Variants in PRKD1 observed in about 807,000 individuals in gnomAD.
The protein encoded by PRKD1 is protein kinase D1.
PRKD1 carries 63 observed loss-of-function variants against 95.9 expected under a neutral mutation model. The ratio of observed to expected loss-of-function variants is 0.66; its 90% CI spans 0.54 to 0.81. The LOEUF (loss-of-function observed/expected upper bound fraction) is 0.81, where lower values mean the gene tolerates loss of function less well. PRKD1 is among the 30% of genes least tolerant of loss of function. The pLI, the probability that PRKD1 is intolerant of heterozygous loss-of-function variation, is 0.00. For missense variants in PRKD1, 1,048 were observed against 1,165.3 expected, an observed-to-expected ratio of 0.90 and a Z score of 1.47; for synonymous variants, 425 against 423.1, an observed-to-expected ratio of 1.00 and a Z score of -0.05.
intron 1 of PRKD1, among the ~76,000 whole-genome samples, chr14:29,790,962 G>C (rs1889518226): frequency 6.6e-6 from 1 of 152,138 alleles, no homozygotes; most frequent in African/African-American, 2.4e-5. Context: ...CAGTCTAGGT[G>C]ACCTCAGTGA....
intron 13 of PRKD1, among the ~76,000 whole-genome samples, chr14:29,604,290 T>C (rs1161321631): frequency 6.6e-6 from 1 of 152,172 alleles, no homozygotes; most frequent in Non-Finnish European, 1.5e-5. Flanking sequence ...AGTTTCCACC[T>C]TCTACCTTTA....
At chr14:29,655,672 A>T (rs1881792269) in intron 4 of PRKD1, among the ~76,000 whole-genome samples, 1 of 152,194 alleles carries the variant, frequency 6.6e-6, no homozygotes, top group African/African-American at 2.4e-5. Flanking sequence ...TTCATTGCTT[A>T]AAATAGAAAA....
rs138343180 is a variant in PRKD1, at chr14:29,838,910, A to G, written c.264+88339T>C. Among the ~76,000 whole-genome samples, 450 of 152,314 alleles carry G rather than the reference A, an allele frequency of 3.0e-3. 4 individuals carry two copies. The highest frequency in any genetic ancestry group is 4.8e-3 in the Non-Finnish European group (325 of 68,026). ...AATTCTGTAAAACTGAAGCAAAAAC[A>G]AACATCAAATTTATGGTAAAAACTG... On this transcript the variant is annotated intron_variant, in intron 1 of 17. Transcript: ENST00000331968.
At chr14:29,922,834 A>G (rs1279254549) in intron 1 of PRKD1, among the ~76,000 whole-genome samples, 1 of 152,214 alleles carries the variant, frequency 6.6e-6, no homozygotes, top group Non-Finnish European at 1.5e-5. Context: ...GCAGTGAGCT[A>G]TGATTATGTA....
chr14:29,916,799 T>A (rs545118057), intron 1 of PRKD1, among the ~76,000 whole-genome samples: 1 of 152,220 alleles, frequency 6.6e-6, no homozygotes, highest in Non-Finnish European at 1.5e-5. Context: ...TAGTATCAAG[T>A]CTCACCCTAA....
chr14:29,641,152 T>G (rs143676853), intron 4 of PRKD1, among the ~76,000 whole-genome samples: 2 of 152,332 alleles, frequency 1.3e-5, no homozygotes, highest in African/African-American at 4.8e-5. Flanking sequence ...ACACACATTT[T>G]CAGGCAATAA....
At chr14:29,668,754 T>A (rs1306310280) in intron 2 of PRKD1, among the ~76,000 whole-genome samples, 3 of 152,190 alleles carry the variant, frequency 2.0e-5, no homozygotes, top group Non-Finnish European at 4.4e-5. Flanking sequence ...AGTACTTTTT[T>A]AAAAAACTGG....
intron 13 of PRKD1, among the ~76,000 whole-genome samples, chr14:29,603,699 TTAA>T (rs1407639741): frequency 6.6e-6 from 1 of 152,156 alleles, no homozygotes; most frequent in Non-Finnish European, 1.5e-5. Context: ...AACAGAATTA[TTAA>T]TAATTTTAAA....
At chr14:29,597,306 A>G (rs565246004) in intron 16 of PRKD1, among the ~76,000 whole-genome samples, 185 bp downstream of exon 16, 43 of 152,330 alleles carry the variant, frequency 2.8e-4, no homozygotes, top group East Asian at 1.9e-4. Flanking sequence ...CTTAATATAT[A>G]TAACCCAATT....
chr14:29,637,632 T>C (rs765438899), intron 6 of PRKD1, among the ~76,000 whole-genome samples: 20 of 152,216 alleles, frequency 1.3e-4, no homozygotes, highest in Non-Finnish European at 2.4e-4. Context: ...CGCCAAGCTT[T>C]CAATTTTGGC....
intron 1 of PRKD1, among the ~76,000 whole-genome samples, chr14:29,851,578 A>G (rs1262362241): frequency 1.3e-5 from 2 of 152,164 alleles, no homozygotes; most frequent in Admixed American, 6.5e-5. Flanking sequence ...GAAGTCCAAA[A>G]ATAACAGATG....
chr14:29,734,089 C>G (rs955706495), intron 1 of PRKD1, among the ~76,000 whole-genome samples: 1 of 116,592 alleles, frequency 8.6e-6, no homozygotes, highest in Non-Finnish European at 1.6e-5. Flanking sequence ...GTCACTCAGG[C>G]TGGAGTGCAA....
chr14:29,741,500 G>T (rs925401739), intron 1 of PRKD1, among the ~76,000 whole-genome samples: 1 of 152,036 alleles, frequency 6.6e-6, no homozygotes, highest in Non-Finnish European at 1.5e-5. Context: ...ATTACTATTG[G>T]CCCAGACTCA....
chr14:29,923,506 A>G (rs1002280384), intron 1 of PRKD1, among the ~76,000 whole-genome samples: 8 of 152,156 alleles, frequency 5.3e-5, no homozygotes, highest in African/African-American at 1.9e-4. Flanking sequence ...AACTATTAAG[A>G]AAACAATGTA....
In PRKD1 at chr14:29,597,643, T is replaced by C. The variant is rs1256683097; in HGVS notation, c.2282A>G (p.Asn761Ser). 10 of 1,613,920 alleles carry C rather than the reference T, an allele frequency of 6.2e-6. No homozygotes were observed. Among genetic ancestry groups the C allele is most frequent in the Admixed American group, 3.3e-5 (2 of 59,968 alleles). Residue 761 changes from asparagine to serine, a missense_variant, in exon 16 of 18, where the codon AAT becomes AGT. Asn to Ser is a conservative substitution (Grantham distance 46, BLOSUM62 1). Transcript: ENST00000331968. ...APEVLRNKGYNRSLDMWSVGV... is the reference protein window; with the variant it reads ...APEVLRNKGYSRSLDMWSVGV... ...AACAGACCACATGTCTAGAGAGCGA[T>C]TGTAGCCCTTGTTCCTTAGGACCTC...
At position 29,597,699 on chromosome 14, in the gene PRKD1, T is replaced by C. The variant is rs781293761; in HGVS notation, c.2226A>G (p.Ser742=). The C allele has an allele frequency of 1.2e-6, 2 of 1,613,934 alleles. No individual in the cohort carries two copies. ...CCAGGTAAGCGGGGGTACCCACCAC[T>C]GACCTCCGGAAAGACTTCTCTCCAA... ...RIIGEKSFRR[S]VVGTPAYLAP... The change falls in exon 16 of 18, where the codon TCA becomes TCG. Residue 742 remains serine, a synonymous_variant. Transcript: ENST00000331968.
At chr14:29,764,932 C>T (rs1035685599) in intron 1 of PRKD1, among the ~76,000 whole-genome samples, 2 of 152,156 alleles carry the variant, frequency 1.3e-5, no homozygotes, top group Admixed American at 6.5e-5. Flanking sequence ...AATAGGAGAT[C>T]ACCCTGGTAG....
At chr14:29,820,266 C>T (rs1890860860) in intron 1 of PRKD1, among the ~76,000 whole-genome samples, 1 of 152,182 alleles carries the variant, frequency 6.6e-6, no homozygotes, top group Non-Finnish European at 1.5e-5. Context: ...AGGCACCAGG[C>T]TATGTGCTAG....
At chr14:29,635,049 C>T (rs1426649546) in intron 7 of PRKD1, among the ~76,000 whole-genome samples, 1 of 151,492 alleles carries the variant, frequency 6.6e-6, no homozygotes, top group Non-Finnish European at 1.5e-5. Context: ...AAAAAAAATT[C>T]CCAAGGCTGG....
Sources: allele counts gnomAD v4.1 joint callset (sites outside exome capture counted in the v4.1 genomes callset), GRCh38; gene constraint gnomAD v4.1.1; transcripts MANE v1.5; gene names NCBI Gene and HGNC (gene_info 2026-07-23, HGNC 2026-07-21).